The following IQGAP1 variants were observed in gnomAD, a reference collection of about 807,000 sequenced individuals.
IQGAP1 encodes the protein ras GTPase-activating-like protein IQGAP1.
Under a neutral mutation model 215.6 loss-of-function variants are expected in IQGAP1, and 66 were observed. The ratio of observed to expected loss-of-function variants is 0.31; its 90% CI spans 0.25 to 0.38. The LOEUF is 0.38. Ranked by LOEUF, IQGAP1 falls within the 10% of genes least tolerant of loss-of-function variation. The pLI is 1.00. For synonymous variants in IQGAP1, 772 were observed against 728.7 expected, an observed-to-expected ratio of 1.06 and a Z score of -0.96; for missense variants, 1,712 against 1,997.1, an observed-to-expected ratio of 0.86 and a Z score of 2.72.
chr15:90,464,056 T>A (rs969811514), intron 15 of IQGAP1, among the ~76,000 whole-genome samples: 1 of 152,246 alleles, frequency 6.6e-6, no homozygotes, highest in Non-Finnish European at 1.5e-5. Context: ...CACATAGTTA[T>A]GGTGATTTAC....
intron 2 of IQGAP1, among the ~76,000 whole-genome samples, chr15:90,421,849 C>T (rs377088597): frequency 6.6e-6 from 1 of 152,110 alleles, no homozygotes; most frequent in Non-Finnish European, 1.5e-5. Context: ...TTTGTAGAGA[C>T]GGGGTCTCAC....
intron 33 of IQGAP1, among the ~76,000 whole-genome samples, chr15:90,489,165 C>G (rs1323686929): frequency 6.7e-6 from 1 of 148,644 alleles, no homozygotes; most frequent in African/African-American, 2.5e-5. Flanking sequence ...GAGTCTCACT[C>G]TCACTCAGGC....
At chr15:90,479,085 T>C (rs1419938806) in intron 26 of IQGAP1, among the ~76,000 whole-genome samples, 1 of 152,150 alleles carries the variant, frequency 6.6e-6, no homozygotes, top group African/African-American at 2.4e-5. Flanking sequence ...TTTTTTCTTG[T>C]TGTGGAGTAG....
intron 2 of IQGAP1, among the ~76,000 whole-genome samples, chr15:90,416,063 A>C (rs1737391960): frequency 1.3e-5 from 2 of 152,046 alleles, no homozygotes; most frequent in South Asian, 4.1e-4. Context: ...GTACATGTGC[A>C]CAACGTGCAG....
rs780602986 is a variant in IQGAP1, at chr15:90,433,752, C to T, written c.424C>T (p.Arg142Ter). 3 of 1,606,992 alleles carry T rather than the reference C, an allele frequency of 1.9e-6. No homozygotes were observed. The highest frequency in any genetic ancestry group is 2.2e-5 in the East Asian group (1 of 44,634). ...FYPETTDIYDRKNMPRCIYCI... is the reference protein window; with the variant it reads ...FYPETTDIYD ...CCCAGAAACTACAGATATCTATGAT[C>T]GAAAGAACATGCCAAGATGTATCTA... is the stretch of plus-strand genomic sequence containing the variant. The change falls in exon 5 of 38, where the codon CGA becomes TGA. Residue 142 changes from arginine to a stop codon, truncating the protein, a stop_gained. Transcript: ENST00000268182. LOFTEE classifies it high-confidence loss of function.
Position 90,482,016 on chromosome 15 carries a change from C to T in IQGAP1, c.3386C>T (p.Thr1129Ile). The change falls in exon 27 of 38, where the codon ACA becomes ATA. Residue 1129 changes from threonine to isoleucine, a missense_variant. Physicochemically the swap from Thr to Ile is moderately conservative, Grantham distance 89. Coordinates refer to ENST00000268182, the MANE Select transcript of IQGAP1 (RefSeq NM_003870.4). ...EQALAHEEVK[T>I]RLDSSIRNMR... The stretch of plus-strand genomic sequence containing the variant: ...GCGCTAGCTCATGAAGAAGTGAAGA[C>T]ACGGCTAGACAGCTCCATCAGGAAC... The T allele has an allele frequency of 6.2e-7, 1 of 1,614,204 alleles. No individual in the cohort carries two copies. The highest frequency in any genetic ancestry group is 2.2e-5 in the East Asian group (1 of 44,886).
rs1209603764 is a variant in IQGAP1 at position 90,472,928 on chromosome 15, G to C, written c.2267G>C (p.Cys756Ser). ...EGLITRLQARCRGYLVRQEFR... is the reference protein window; with the variant it reads ...EGLITRLQARSRGYLVRQEFR... ...CTGATCACCAGGCTGCAGGCTCGCT[G>C]CCGTGGATACTTAGTTCGACAGGAA... is the stretch of plus-strand genomic sequence containing the variant. The change falls in exon 19 of 38, where the codon TGC becomes TCC. Residue 756 changes from cysteine to serine, a missense_variant. Physicochemically the swap from Cys to Ser is moderately radical, Grantham distance 112 (BLOSUM62 -1). Coordinates refer to ENST00000268182, the MANE Select transcript of IQGAP1 (RefSeq NM_003870.4). 6.2e-7 allele frequency: 1 copy of C among 1,614,050 alleles called. No homozygotes were observed. Among genetic ancestry groups the C allele is most frequent in the South Asian group, 1.1e-5 (1 of 91,058 alleles).
At chr15:90,455,038 A>G (rs1965659874) in intron 14 of IQGAP1, among the ~76,000 whole-genome samples, 1 of 152,232 alleles carries the variant, frequency 6.6e-6, no homozygotes, top group Non-Finnish European at 1.5e-5. Context: ...TACGATTAAA[A>G]TTTTATTACA....
intron 9 of IQGAP1, among the ~76,000 whole-genome samples, chr15:90,443,782 A>G (rs997890883): frequency 6.6e-6 from 1 of 152,168 alleles, no homozygotes; most frequent in Admixed American, 6.5e-5. Flanking sequence ...ACAGTGGCTG[A>G]TTAATCCCAG....
intron 11 of IQGAP1, among the ~76,000 whole-genome samples, chr15:90,449,854 T>C (rs1401941353): frequency 6.6e-6 from 1 of 152,206 alleles, no homozygotes; most frequent in Non-Finnish European, 1.5e-5. Flanking sequence ...TGAGGGTACA[T>C]GTGTTTTGTT....
chr15:90,489,368 C>G (rs1966172662), intron 33 of IQGAP1, among the ~76,000 whole-genome samples: 1 of 152,048 alleles, frequency 6.6e-6, no homozygotes, highest in Admixed American at 6.6e-5. Flanking sequence ...CCTCAAATGA[C>G]CCACCCACTG....
chr15:90,434,175 G>A (rs1313345973), intron 5 of IQGAP1, among the ~76,000 whole-genome samples: 1 of 152,096 alleles, frequency 6.6e-6, no homozygotes, highest in African/African-American at 2.4e-5. Flanking sequence ...GGTGGCTCAC[G>A]CCTGTAATCC....
chr15:90,465,672 TG>T (rs879448967), intron 15 of IQGAP1, among the ~76,000 whole-genome samples: 56,022 of 112,966 alleles, frequency 0.5, 11,070 homozygotes, highest in East Asian at 0.7. Flanking sequence ...GGCCAAGCTA[TG>T]TTTGTTTGTT....
At chr15:90,394,178 T>C (rs1343579981) in intron 2 of IQGAP1, among the ~76,000 whole-genome samples, 2 of 136,602 alleles carry the variant, frequency 1.5e-5, no homozygotes, top group Non-Finnish European at 3.1e-5. Flanking sequence ...ACATTTGTGA[T>C]GATCTTCAGG....
At chr15:90,453,921 T>C (rs1036028782) in intron 13 of IQGAP1, among the ~76,000 whole-genome samples, 1 of 152,198 alleles carries the variant, frequency 6.6e-6, no homozygotes, top group African/African-American at 2.4e-5. Flanking sequence ...CCATTAGAGA[T>C]ACTAAGATTG....
rs768956893 is a variant in IQGAP1, at chr15:90,466,395, A to G, written c.1994A>G (p.His665Arg). ...GVIPECGETY[H>R]SDLAEAKKKK... ...ATCCCTGAGTGTGGTGAAACTTACC[A>G]CAGTGATCTTGCTGAAGCCAAGAAG... Residue 665 changes from histidine (H) to arginine (R), a missense_variant, in exon 17 of 38, where the codon CAC (histidine) becomes CGC (arginine). His to Arg is a conservative substitution (Grantham distance 29). This residue lies in a region of IQGAP1 where 1,021 missense variants were observed against 1,074.2 expected (regional missense o/e 0.95). Transcript: ENST00000268182. 6.2e-7 allele frequency: 1 copy of G among 1,614,110 alleles called. No individual in the cohort carries two copies. The highest frequency in any genetic ancestry group is 8.5e-7 in the Non-Finnish European group (1 of 1,180,010).
At chr15:90,472,654 C>T (rs947472465) in intron 18 of IQGAP1, among the ~76,000 whole-genome samples, 186 bp from the exon 19 acceptor site, 2 of 150,464 alleles carry the variant, frequency 1.3e-5, no homozygotes, top group South Asian at 2.1e-4. Context: ...GGTGGGAGGA[C>T]GTGTGTGAGA....
At chr15:90,486,558 T>C in intron 31 of IQGAP1, 1 of 166,532 alleles carries the variant, frequency 6.0e-6, no homozygotes, top group Non-Finnish European at 1.1e-5. Context: ...CCTCCTGAGT[T>C]GTTTTTTTTT....
chr15:90,419,461 A>G (rs1449413393), intron 2 of IQGAP1, among the ~76,000 whole-genome samples: 2 of 152,124 alleles, frequency 1.3e-5, no homozygotes, highest in African/African-American at 4.8e-5. Context: ...AAAATTTTGC[A>G]TTTGAGTGAG....
Sources: allele counts gnomAD v4.1 joint callset (sites outside exome capture counted in the v4.1 genomes callset), GRCh38; gene constraint gnomAD v4.1.1; regional missense constraint gnomAD v4.1.1; transcripts MANE v1.5; gene names NCBI Gene and HGNC (gene_info 2026-07-23, HGNC 2026-07-21).